Variants in IGF2R observed in about 807,000 individuals in gnomAD.
The protein encoded by IGF2R is insulin like growth factor 2 receptor, also known as cation-independent mannose-6-phosphate receptor.
Under a neutral mutation model 270.6 loss-of-function variants are expected in IGF2R, and 91 were observed. That is an observed-to-expected ratio of 0.34 (90% CI 0.28 to 0.40). The LOEUF is 0.40. Ranked by LOEUF, IGF2R falls within the 10% of genes least tolerant of loss-of-function variation. IGF2R has a pLI of 1.00. For synonymous variants in IGF2R, 1,316 were observed against 1,258.9 expected (o/e 1.05, Z -0.96); for missense variants, 2,805 against 3,188.3 (o/e 0.88, Z 2.90).
rs1460624441 is a variant in IGF2R, at chr6:160,108,107, ATATCC to A, written c.*3025_*3029del. 1.3e-5 allele frequency: 2 copies of A among 152,272 alleles called. No homozygotes were observed. Among genetic ancestry groups the A allele is most frequent in the African/African-American group, 4.8e-5 (2 of 41,444 alleles). 9.4% of individuals were successfully genotyped at this position (152,272 alleles called of 1,614,324 possible). ...TATGGACGAGACTGGATTTCTGGAAATATCCTTTACTGACTCTGAAGAATCCCATG... is the reference window on the plus strand; with the variant it reads ...TATGGACGAGACTGGATTTCTGGAAATTTACTGACTCTGAAGAATCCCATG... On this transcript the variant is annotated 3_prime_UTR_variant, in exon 48 of 48. Transcript: ENST00000356956.
Position 160,103,744 on chromosome 6 carries a change from A to T in IGF2R, c.6996-2A>T. 2 of 1,602,036 alleles carry T rather than the reference A, an allele frequency of 1.2e-6. No individual in the cohort carries two copies. Among genetic ancestry groups the T allele is most frequent in the Admixed American group, 1.7e-5 (1 of 59,708 alleles). On this transcript the variant is annotated splice_acceptor_variant, in intron 46 of 47. Coordinates refer to ENST00000356956, the MANE Select transcript of IGF2R (RefSeq NM_000876.4). LOFTEE classifies it high-confidence loss of function. Reference sequence around the variant, plus strand: ...TAATTATTGTCTCCTTTTTTTTTATAGGGAAACAGTGATAAGTAAGCTGAC... The same window carrying T: ...TAATTATTGTCTCCTTTTTTTTTATTGGGAAACAGTGATAAGTAAGCTGAC...
chr6:160,022,131 G>C (rs1777452575), intron 4 of IGF2R, among the ~76,000 whole-genome samples: 1 of 152,124 alleles, frequency 6.6e-6, no homozygotes, highest in Non-Finnish European at 1.5e-5. Flanking sequence ...ATTATCTTGA[G>C]TGAAATAACT....
rs201916817 is a variant in IGF2R, at chr6:160,085,044, T to C, written c.6118T>C (p.Ser2040Pro). Residue 2040 changes from serine (S) to proline (P), a missense_variant, in exon 41 of 48, where the codon TCT becomes CCT. Ser to Pro is a moderately conservative substitution (Grantham distance 74). Transcript: ENST00000356956. ...AATATATAAAGGGCCCCTGGGCTGC[T>C]CTGAAAGGGCCAGCATTTGCAGAAG... ...QKIYKGPLGCSERASICRRTT... is the reference protein window; with the variant it reads ...QKIYKGPLGCPERASICRRTT... 6.7e-5 allele frequency: 108 copies of C among 1,614,082 alleles called. No homozygotes were observed. Among genetic ancestry groups the C allele is most frequent in the Admixed American group, 1.8e-4 (11 of 60,016 alleles).
At chr6:160,070,999 G>C (rs1283914355) in intron 31 of IGF2R, among the ~76,000 whole-genome samples, 1 of 152,230 alleles carries the variant, frequency 6.6e-6, no homozygotes, top group Non-Finnish European at 1.5e-5. Flanking sequence ...CACATGTGGG[G>C]GGCAAAGGTG....
chr6:160,096,652 A>G, intron 45 of IGF2R, 27 bp downstream of exon 45: 1 of 1,558,004 alleles, frequency 6.4e-7, no homozygotes, highest in Non-Finnish European at 8.8e-7. Context: ...GAAGCTTAGC[A>G]CTTGTACCCC....
chr6:159,999,181 C>T (rs544913329), intron 2 of IGF2R, among the ~76,000 whole-genome samples: 7 of 152,300 alleles, frequency 4.6e-5, no homozygotes, highest in South Asian at 4.1e-4. Flanking sequence ...AGGGATCATA[C>T]ACCATAGGGA....
At chr6:160,026,541 C>G (rs377618877) in intron 5 of IGF2R, among the ~76,000 whole-genome samples, 3 of 152,148 alleles carry the variant, frequency 2.0e-5, no homozygotes, top group African/African-American at 7.2e-5. Context: ...AGATAGTAAA[C>G]AAATAAATCC....
rs1296470584 is a variant in IGF2R at position 159,969,216 on chromosome 6, C to T, written c.-31C>T. ...CCCAGCAGTCGCGCGCCGTTAGCCTCGCGCCCGCCGCGCAGTCCGGGCCCG... is the reference window on the plus strand; with the variant it reads ...CCCAGCAGTCGCGCGCCGTTAGCCTTGCGCCCGCCGCGCAGTCCGGGCCCG... On this transcript the variant is annotated 5_prime_UTR_variant, in exon 1 of 48. Coordinates refer to ENST00000356956, the MANE Select transcript of IGF2R (RefSeq NM_000876.4). 2.0e-6 allele frequency: 2 copies of T among 984,414 alleles called. No individual in the cohort carries two copies. Among genetic ancestry groups the T allele is most frequent in the Admixed American group, 6.2e-5 (1 of 16,008 alleles). 61.0% of individuals were successfully genotyped at this position (984,414 alleles called of 1,614,324 possible).
At chr6:159,981,248 TA>T (rs1301963441) in intron 1 of IGF2R, among the ~76,000 whole-genome samples, 2 of 152,096 alleles carry the variant, frequency 1.3e-5, no homozygotes, top group Non-Finnish European at 2.9e-5. Flanking sequence ...GTTGAGTGTG[TA>T]TGTGTGCGTG....
At chr6:160,039,544 A>G (rs1003074950) in intron 10 of IGF2R, among the ~76,000 whole-genome samples, 7 of 152,314 alleles carry the variant, frequency 4.6e-5, no homozygotes, top group African/African-American at 1.7e-4. Context: ...TATAGTGATG[A>G]TAATATTAAA....
At chr6:159,986,610 G>C (rs1783892134) in intron 1 of IGF2R, among the ~76,000 whole-genome samples, 1 of 152,062 alleles carries the variant, frequency 6.6e-6, no homozygotes, top group Admixed American at 6.5e-5. Flanking sequence ...ACATTCTTTT[G>C]TGTGTGTTTG....
intron 9 of IGF2R, among the ~76,000 whole-genome samples, chr6:160,034,188 G>A (rs562902386): frequency 6.6e-6 from 1 of 152,248 alleles, no homozygotes; most frequent in Admixed American, 6.5e-5. Flanking sequence ...CAAAACCTTC[G>A]GCACTTTCTT....
chr6:160,043,367 G>T, intron 12 of IGF2R, 79 bp downstream of exon 12: 1 of 1,452,296 alleles, frequency 6.9e-7, no homozygotes, highest in Non-Finnish European at 9.3e-7. Flanking sequence ...AGATCTTTCT[G>T]TGGTTCATCT....
chr6:160,011,083 G>A (rs1204902669), intron 4 of IGF2R, among the ~76,000 whole-genome samples: 1 of 152,178 alleles, frequency 6.6e-6, no homozygotes, highest in Non-Finnish European at 1.5e-5. Flanking sequence ...TAAACTAAGT[G>A]ACGTGTTTGG....
rs934576307 is a variant in IGF2R, at chr6:160,103,764, G to A, written c.7014G>A (p.Lys2338=). 1.9e-6 allele frequency: 3 copies of A among 1,610,256 alleles called. No homozygotes were observed. In the Admixed American group the frequency reaches 5.0e-5, roughly 27 times the overall value. ...KKERRETVIS[K]LTTCCRRSSN... ...TTTATAGGGAAACAGTGATAAGTAAGCTGACCACTTGCTGTAGGAGAAGTT... is the reference window on the plus strand; with the variant it reads ...TTTATAGGGAAACAGTGATAAGTAAACTGACCACTTGCTGTAGGAGAAGTT... The change falls in exon 47 of 48, where the codon AAG becomes AAA. Residue 2338 remains lysine (K), a synonymous_variant. Transcript: ENST00000356956.
Position 160,084,212 on chromosome 6 carries a change from C to A in IGF2R, c.6068+28C>A. 1.5e-6 allele frequency: 2 copies of A among 1,363,756 alleles called. No homozygotes were observed. The highest frequency in any genetic ancestry group is 1.0e-6 in the Non-Finnish European group (1 of 953,386). 84.5% of individuals were successfully genotyped at this position (1,363,756 alleles called of 1,614,324 possible). On this transcript the variant is annotated intron_variant, in intron 40 of 47. Coordinates refer to ENST00000356956, the MANE Select transcript of IGF2R (RefSeq NM_000876.4). This position sits in a 1 kb window ranked among gnomAD's most constrained non-coding sequence, Gnocchi z 4.6. Reference sequence around the variant, plus strand: ...GAGTGCCTTCCCAGTCCACCCGCGGCGCCACACCCTCAGCATGTGAACTTC... The same window carrying A: ...GAGTGCCTTCCCAGTCCACCCGCGGAGCCACACCCTCAGCATGTGAACTTC...
intron 42 of IGF2R, among the ~76,000 whole-genome samples, chr6:160,088,841 T>C (rs970281577): frequency 6.6e-6 from 1 of 152,212 alleles, no homozygotes; most frequent in African/African-American, 2.4e-5. Context: ...TGCACCACAG[T>C]CATCTTCCCT....
chr6:159,969,381 C>A lies in IGF2R; in HGVS notation c.135C>A (p.Phe45Leu). The A allele has an allele frequency of 7.9e-7, 1 of 1,270,158 alleles. No homozygotes were observed. The highest frequency in any genetic ancestry group is 2.8e-5 in the South Asian group (1 of 35,560). 78.7% of individuals were successfully genotyped at this position (1,270,158 alleles called of 1,614,324 possible). A position where few individuals can be genotyped will look rare whatever the true frequency, so the allele number is the denominator to read the frequency against. The change falls in exon 1 of 48, where the codon TTC (phenylalanine) becomes TTA (leucine). Residue 45 changes from phenylalanine to leucine, a missense_variant. Phe to Leu is a conservative substitution (Grantham distance 22). Around this residue, in one of 2 missense-constraint regions of IGF2R, gnomAD observed 954 missense variants for 981.1 expected, o/e 0.97. Transcript: ENST00000356956. ...PGSTQAQAAP[F>L]PELCSYTWEA... ...CCACGCAGGCCCAGGCCGCCCCGTTCCCCGAGCTGTGCAGGTGGGTGGCCC... is the reference window on the plus strand; with the variant it reads ...CCACGCAGGCCCAGGCCGCCCCGTTACCCGAGCTGTGCAGGTGGGTGGCCC...
At position 160,102,592 on chromosome 6, in the gene IGF2R, G is replaced by C; in HGVS notation, c.6916G>C (p.Val2306Leu). The change falls in exon 46 of 48, where the codon GTC becomes CTC. Residue 2306 changes from valine to leucine, a missense_variant. By Grantham distance (32) the Val-to-Leu change is conservative. Transcript: ENST00000356956. This position sits in a 1 kb window ranked among gnomAD's most constrained non-coding sequence, Gnocchi z 4.5. ...GGGGCTGTCAGAACGGAGCCAGGCA[G>C]TCGGCGCGGTGCTCAGCCTGCTGCT... ...HKGLSERSQA[V>L]GAVLSLLLVA... The C allele has an allele frequency of 1.9e-6, 3 of 1,613,732 alleles. No individual in the cohort carries two copies. The highest frequency in any genetic ancestry group is 2.5e-6 in the Non-Finnish European group (3 of 1,179,916).
Sources: gnomAD v4.1 joint callset for allele counts (sites outside exome capture counted in the v4.1 genomes callset) on GRCh38, gnomAD v4.1.1 for gene constraint, gnomAD v4.1.1 regional missense constraint, Gnocchi (gnomAD v3.1) non-coding constraint, MANE v1.5 for transcripts, NCBI Gene and HGNC (gene_info 2026-07-23, HGNC 2026-07-21) for gene names.